ADAMTS6: variants seen among roughly 807,000 people sequenced by gnomAD.
ADAMTS6 encodes the protein A disintegrin and metalloproteinase with thrombospondin motifs 6.
In ADAMTS6, 23 loss-of-function variants were observed where a neutral mutation model predicts 144.3. The ratio of observed to expected loss-of-function variants is 0.16; its 90% CI spans 0.11 to 0.23. The LOEUF (loss-of-function observed/expected upper bound fraction) is 0.23. ADAMTS6 is among the 10% of genes least tolerant of loss of function. ADAMTS6 has a pLI of 1.00. For missense variants in ADAMTS6, 999 were observed against 1,379.6 expected, an observed-to-expected ratio of 0.72 and a Z score of 4.37; for synonymous variants, 444 against 457.5, an observed-to-expected ratio of 0.97 and a Z score of 0.38.
At chr5:65,316,070 C>A (rs895768595) in intron 9 of ADAMTS6, among the ~76,000 whole-genome samples, 1 of 152,090 alleles carries the variant, frequency 6.6e-6, no homozygotes, top group Non-Finnish European at 1.5e-5. Context: ...TGCTGTCACA[C>A]GCTAATTTTT....
Position 65,353,754 on chromosome 5 carries a change from A to G in ADAMTS6, c.1074-19669T>C, listed in dbSNP as rs186963706. Among the ~76,000 whole-genome samples, 295 of 152,082 alleles carry G rather than the reference A, an allele frequency of 1.9e-3. 1 individual carries two copies. The highest frequency in any genetic ancestry group is 6.8e-3 in the African/African-American group (284 of 41,564). On this transcript the variant is annotated intron_variant, in intron 7 of 24. Coordinates refer to ENST00000381055, the MANE Select transcript of ADAMTS6 (RefSeq NM_197941.4). ...AGATTTTGTGAGTACAGCAGTTAACAAGACACACAAGCTTTCTTTCTTTGG... is the reference window on the plus strand; with the variant it reads ...AGATTTTGTGAGTACAGCAGTTAACGAGACACACAAGCTTTCTTTCTTTGG...
At chr5:65,358,874 C>T (rs1749580500) in intron 7 of ADAMTS6, among the ~76,000 whole-genome samples, 1 of 151,964 alleles carries the variant, frequency 6.6e-6, no homozygotes, top group Non-Finnish European at 1.5e-5. Context: ...CAAAAATCAA[C>T]TCAAAATGGA....
At chr5:65,421,262 T>C (rs949581950) in intron 7 of ADAMTS6, among the ~76,000 whole-genome samples, 1 of 152,224 alleles carries the variant, frequency 6.6e-6, no homozygotes, top group African/African-American at 2.4e-5. Context: ...TCTGATCTAA[T>C]AGTGACAAAT....
At chr5:65,274,346 T>C (rs139619136) in intron 11 of ADAMTS6, among the ~76,000 whole-genome samples, 3 of 152,152 alleles carry the variant, frequency 2.0e-5, no homozygotes, top group Admixed American at 6.5e-5. Flanking sequence ...ACTAGCATCA[T>C]TACCAATGTT....
chr5:65,175,965 A>G (rs1753952437), intron 22 of ADAMTS6, among the ~76,000 whole-genome samples: 1 of 152,220 alleles, frequency 6.6e-6, no homozygotes, highest in African/African-American at 2.4e-5. Flanking sequence ...CCCAAACTTA[A>G]AAGGTTTTCA....
At position 65,300,085 on chromosome 5, in the gene ADAMTS6, C is replaced by G; in HGVS notation, c.1270G>C (p.Gly424Arg). The G allele has an allele frequency of 6.2e-7, 1 of 1,614,086 alleles. No homozygotes were observed. The highest frequency in any genetic ancestry group is 1.3e-5 in the African/African-American group (1 of 75,046). Residue 424 changes from glycine (G) to arginine (R), a missense_variant, in exon 10 of 25, where the codon GGT becomes CGT. This residue lies in a region of ADAMTS6 where 128 missense variants were observed against 249.0 expected (regional missense o/e 0.51). Transcript: ENST00000381055. ...DGIGNSCGTK[G>R]HEAAKLMAAH... ...GCCATAAGTTTTGCTGCTTCATGAC[C>G]TTTCGTCCCACAAGAATTTCCAATT...
chr5:65,347,222 G>C (rs1748409658), intron 7 of ADAMTS6, among the ~76,000 whole-genome samples: 1 of 151,522 alleles, frequency 6.6e-6, no homozygotes, highest in Non-Finnish European at 1.5e-5. Context: ...TGGAACCATA[G>C]AAGACCTCAA....
chr5:65,376,618 C>G (rs1703211674), intron 7 of ADAMTS6, among the ~76,000 whole-genome samples: 2 of 152,084 alleles, frequency 1.3e-5, no homozygotes, highest in Admixed American at 1.3e-4. Context: ...GATCAATTGC[C>G]TCAGGAATTC....
At chr5:65,170,296 A>G (rs2112068330) in intron 24 of ADAMTS6, among the ~76,000 whole-genome samples, 1 of 152,370 alleles carries the variant, frequency 6.6e-6, no homozygotes, top group Middle Eastern at 3.4e-3. Flanking sequence ...GTAGTTCATT[A>G]GGAAACAGCT....
intron 9 of ADAMTS6, among the ~76,000 whole-genome samples, chr5:65,311,871 C>T (rs1025037866): frequency 8.6e-5 from 13 of 151,986 alleles, no homozygotes; most frequent in African/African-American, 2.9e-4. Context: ...ATCTGTATAG[C>T]GAAGGAAAAT....
chr5:65,348,273 G>A (rs1286583880), intron 7 of ADAMTS6, among the ~76,000 whole-genome samples: 2 of 152,012 alleles, frequency 1.3e-5, no homozygotes, highest in Non-Finnish European at 2.9e-5. Context: ...TATCTACAAC[G>A]AATGGATAAT....
rs200432376 is a variant in ADAMTS6, at chr5:65,199,104, A to AT, written c.2576-1954dup. ...TTGCCTCTATCAGGGACAGCAGGGG[A>AT]TTTTTTTTTATTGGTTAGTGTGATT... On this transcript the variant is annotated intron_variant, in intron 20 of 24. Transcript: ENST00000381055. Among the ~76,000 whole-genome samples the AT allele has an allele frequency of 6.9e-3, 1,038 of 151,226 alleles. 18 individuals carry two copies. Among genetic ancestry groups the AT allele is most frequent in the African/African-American group, 0.024 (973 of 41,218 alleles).
At chr5:65,169,406 G>A (rs1485559535) in intron 24 of ADAMTS6, among the ~76,000 whole-genome samples, 1 of 142,674 alleles carries the variant, frequency 7.0e-6, no homozygotes, top group Non-Finnish European at 1.5e-5. Context: ...GAGAGGATGT[G>A]GAGAAATAGG....
intron 14 of ADAMTS6, among the ~76,000 whole-genome samples, chr5:65,243,832 A>T (rs572500665): frequency 6.6e-6 from 1 of 152,268 alleles, no homozygotes; most frequent in Admixed American, 6.5e-5. Flanking sequence ...AAAAAAAACA[A>T]ACAAATAATT....
rs527835042 is a variant in ADAMTS6 at position 65,348,264 on chromosome 5, A to C, written c.1074-14179T>G. Among the ~76,000 whole-genome samples the C allele has an allele frequency of 4.0e-4, 61 of 152,260 alleles. No homozygotes were observed. In the Middle Eastern group the frequency reaches 0.01, roughly 25 times the overall value. ...TAAGACATGAAATCAATCTCTGTCT[A>C]TCTACAACGAATGGATAATGAAAAT... is the stretch of plus-strand genomic sequence containing the variant. On this transcript the variant is annotated intron_variant, in intron 7 of 24. Transcript: ENST00000381055.
chr5:65,170,623 T>G lies in ADAMTS6; in HGVS notation c.3238A>C (p.Thr1080Pro). 6.2e-7 allele frequency: 1 copy of G among 1,613,994 alleles called. No homozygotes were observed. The highest frequency in any genetic ancestry group is 8.5e-7 in the Non-Finnish European group (1 of 1,179,966). ...TCCTCCATGGAAAACTCACCTTCAG[T>G]ATTAGAAATGGGGGTACTGTCACAT... Reference protein sequence around the residue: ...SKCDSTPISNTEECKDVNKVA... With the variant: ...SKCDSTPISNPEECKDVNKVA... The change falls in exon 24 of 25, where the codon ACT becomes CCT. Residue 1080 changes from threonine to proline, a missense_variant. Thr to Pro is a conservative substitution (Grantham distance 38, BLOSUM62 -1). Around this residue, in one of 3 missense-constraint regions of ADAMTS6, gnomAD observed 619 missense variants for 837.0 expected, o/e 0.74. Coordinates refer to ENST00000381055, the MANE Select transcript of ADAMTS6 (RefSeq NM_197941.4).
At chr5:65,187,114 GT>G (rs1291295766) in intron 22 of ADAMTS6, among the ~76,000 whole-genome samples, 1 of 152,218 alleles carries the variant, frequency 6.6e-6, no homozygotes, top group African/African-American at 2.4e-5. Flanking sequence ...GATGCATCCT[GT>G]TTTGCTAACT....
intron 24 of ADAMTS6, among the ~76,000 whole-genome samples, chr5:65,169,602 C>T (rs62368033): frequency 0.52 from 76,657 of 146,264 alleles, 22,210 homozygotes; most frequent in Non-Finnish European, 0.65. Context: ...TTTATTGCGG[C>T]ATTATTCAGA....
intron 12 of ADAMTS6, among the ~76,000 whole-genome samples, chr5:65,264,344 T>G (rs1761443852): frequency 6.6e-6 from 1 of 152,164 alleles, no homozygotes. Flanking sequence ...GATTTCCACC[T>G]TCATACACTA....
Sources: gnomAD v4.1 joint callset for allele counts (sites outside exome capture counted in the v4.1 genomes callset) on GRCh38, gnomAD v4.1.1 for gene constraint, gnomAD v4.1.1 regional missense constraint, MANE v1.5 for transcripts, NCBI Gene and HGNC (gene_info 2026-07-23, HGNC 2026-07-21) for gene names.